DNAH3: variants seen among roughly 807,000 people sequenced by gnomAD.
DNAH3 encodes the protein dynein axonemal heavy chain 3.
Under a neutral mutation model 432.5 loss-of-function variants are expected in DNAH3, and 332 were observed. The observed-to-expected ratio is 0.77, with a 90% CI of 0.70 to 0.84. The LOEUF (loss-of-function observed/expected upper bound fraction) is 0.84. Ranked by LOEUF, DNAH3 falls within the 40% of genes least tolerant of loss-of-function variation. The pLI is 0.00. For synonymous variants in DNAH3, 1,956 were observed against 1,900.2 expected (o/e 1.03, Z -0.76); for missense variants, 4,861 against 5,114.0 (o/e 0.95, Z 1.51).
At chr16:21,109,320 TCA>T (rs2152802739) in intron 14 of DNAH3, among the ~76,000 whole-genome samples, 1 of 152,168 alleles carries the variant, frequency 6.6e-6, no homozygotes, top group East Asian at 1.9e-4. Flanking sequence ...TGTCAGAGTC[TCA>T]GTGTCTTCAT....
chr16:20,977,442 A>C (rs1400791314), intron 50 of DNAH3, among the ~76,000 whole-genome samples: 1 of 152,028 alleles, frequency 6.6e-6, no homozygotes, highest in African/African-American at 2.4e-5. Flanking sequence ...AGCTAGAATT[A>C]CCCCCCTGAA....
At chr16:20,944,578 T>C (rs1297996431) in exon 58 of DNAH3, 2 of 1,614,092 alleles carry the variant, frequency 1.2e-6, no homozygotes, top group South Asian at 1.1e-5. Context: ...TTCCTGGTTG[T>C]CTTTGGTGAT....
chr16:21,010,264 A>C (rs8045057), intron 41 of DNAH3, among the ~76,000 whole-genome samples: 4,783 of 152,264 alleles, frequency 0.031, 262 homozygotes, highest in African/African-American at 0.11. Flanking sequence ...GTGAGAGTAG[A>C]AAGAGGAGAA....
intron 1 of DNAH3, among the ~76,000 whole-genome samples, chr16:21,159,019 C>A (rs2092928704): frequency 1.3e-5 from 2 of 151,792 alleles, no homozygotes; most frequent in African/African-American, 4.8e-5. Context: ...CACACATACA[C>A]ACACACACTA....
intron 41 of DNAH3, among the ~76,000 whole-genome samples, chr16:21,014,092 A>T (rs2087746357): frequency 6.6e-6 from 1 of 152,228 alleles, no homozygotes; most frequent in South Asian, 2.1e-4. Context: ...CTATGAGGCC[A>T]GCATTACGCT....
rs114305274 is a variant in DNAH3, at chr16:20,994,980, G to A, written c.6601+2303C>T. ...TTTTTAGAGACAGGGTCTCACCCAG[G>A]TTGGAGTATTGTGGTGCGATCTTGG... On this transcript the variant is annotated intron_variant, in intron 44 of 61. Transcript: ENST00000261383. Among the ~76,000 whole-genome samples, 208 of 152,092 alleles carry A rather than the reference G, an allele frequency of 1.4e-3. 1 individual carries two copies. The highest frequency in any genetic ancestry group is 4.7e-3 in the African/African-American group (195 of 41,474).
chr16:21,031,153 C>A, exon 37 of DNAH3: 1 of 1,614,080 alleles, frequency 6.2e-7, no homozygotes, highest in Non-Finnish European at 8.5e-7. Context: ...ACGCTTGCTC[C>A]CGGAAAGCAT....
intron 41 of DNAH3, among the ~76,000 whole-genome samples, chr16:21,008,574 C>T (rs1448695397): frequency 2.0e-5 from 3 of 151,962 alleles, no homozygotes; most frequent in Admixed American, 2.0e-4. Flanking sequence ...CAAAACCTGG[C>T]GTTTTTTCCC....
At chr16:21,099,311 T>C (rs1359790456) in intron 16 of DNAH3, among the ~76,000 whole-genome samples, 1 of 152,098 alleles carries the variant, frequency 6.6e-6, no homozygotes, top group Admixed American at 6.6e-5. Flanking sequence ...GATGGTTGGA[T>C]GAATGGATGA....
chr16:21,142,490 A>G (rs1050381917), intron 3 of DNAH3, among the ~76,000 whole-genome samples: 2 of 152,208 alleles, frequency 1.3e-5, no homozygotes, highest in African/African-American at 2.4e-5. Context: ...TATTTATTGC[A>G]AGTAGAAAAA....
rs1597153413 is a variant in DNAH3, at chr16:21,019,543, C to A, written c.6022+81G>T. On this transcript the variant is annotated intron_variant, in intron 41 of 61. Coordinates refer to ENST00000261383, the Ensembl canonical transcript of DNAH3. The stretch of plus-strand genomic sequence containing the variant: ...TTCTGTGGCTTTTGTAAAGGGCTCA[C>A]CTGTCTGCACATTCTGGTTGTGTTT... The A allele has an allele frequency of 4.6e-6, 7 of 1,535,598 alleles. No individual in the cohort carries two copies. In the East Asian group the frequency reaches 9.0e-5, roughly 20 times the overall value.
In DNAH3 at chr16:21,106,479, A is replaced by T; in HGVS notation, c.2284+11T>A. 6.3e-7 allele frequency: 1 copy of T among 1,577,482 alleles called. No individual in the cohort carries two copies. The highest frequency in any genetic ancestry group is 8.7e-7 in the Non-Finnish European group (1 of 1,154,924). ...ATGCATTTCGATGGTCACACATGGC[A>T]TTGGACTTACACGGCAAGTCTGCAT... is the stretch of plus-strand genomic sequence containing the variant. On this transcript the variant is annotated intron_variant, in intron 15 of 61. Transcript: ENST00000261383.
intron 14 of DNAH3, among the ~76,000 whole-genome samples, chr16:21,110,165 G>T (rs2092037653): frequency 6.6e-6 from 1 of 152,184 alleles, no homozygotes; most frequent in African/African-American, 2.4e-5. Context: ...GAAGGCAGTT[G>T]CCATCTCAGC....
intron 51 of DNAH3, among the ~76,000 whole-genome samples, chr16:20,972,220 C>T (rs1439101115): frequency 6.6e-6 from 1 of 151,256 alleles, no homozygotes; most frequent in African/African-American, 2.4e-5. Flanking sequence ...CTTGAAATCT[C>T]CTGATTTTTT....
intron 5 of DNAH3, among the ~76,000 whole-genome samples, chr16:21,136,951 G>A (rs952633022): frequency 1.1e-4 from 16 of 152,032 alleles, no homozygotes; most frequent in Non-Finnish European, 1.8e-4. Flanking sequence ...TGGCCAATAT[G>A]GTGAAACCCC....
At chr16:21,144,514 G>T (rs2092757600) in intron 3 of DNAH3, among the ~76,000 whole-genome samples, 1 of 152,116 alleles carries the variant, frequency 6.6e-6, no homozygotes, top group South Asian at 2.1e-4. Context: ...TGGCCTTGGT[G>T]TATGCCTTGA....
chr16:21,001,645 T>A (rs2087024990), intron 42 of DNAH3, among the ~76,000 whole-genome samples: 5 of 152,124 alleles, frequency 3.3e-5, no homozygotes, highest in Admixed American at 1.3e-4. Context: ...AGTATGGGTG[T>A]TTTGCCTGTA....
At chr16:20,963,875 T>C (rs1186946530) in exon 53 of DNAH3, 1 of 1,614,128 alleles carries the variant, frequency 6.2e-7, no homozygotes, top group Non-Finnish European at 8.5e-7. Context: ...TCGCTCTTCG[T>C]GCTGTGGGTC....
rs138989216 is a variant in DNAH3 at position 20,974,339 on chromosome 16, CTTTGT to C, written c.8259+889_8259+893del. On this transcript the variant is annotated intron_variant, in intron 51 of 61. Coordinates refer to ENST00000261383, the Ensembl canonical transcript of DNAH3. ...AGGCATGAGCCACTGCCCCTGGCCA[CTTTGT>C]TTTGTTTTGTTTTGTTTTTTAGACA... Among the ~76,000 whole-genome samples the C allele has an allele frequency of 2.5e-3, 380 of 152,022 alleles. 2 individuals carry two copies. Among genetic ancestry groups the C allele is most frequent in the African/African-American group, 7.5e-3 (310 of 41,496 alleles).
Sources: allele counts gnomAD v4.1 joint callset (sites outside exome capture counted in the v4.1 genomes callset), GRCh38; gene constraint gnomAD v4.1.1; transcripts MANE v1.5; gene names NCBI Gene and HGNC (gene_info 2026-07-23, HGNC 2026-07-21).